The following SLC37A1 variants were observed in gnomAD, a reference collection of about 807,000 sequenced individuals.
SLC37A1 encodes the protein solute carrier family 37 member 1.
Under a neutral mutation model 75.3 loss-of-function variants are expected in SLC37A1, and 49 were observed. The observed-to-expected ratio is 0.65, with a 90% confidence interval of 0.52 to 0.83. The LOEUF (loss-of-function observed/expected upper bound fraction) is 0.83. SLC37A1 is among the 40% of genes least tolerant of loss of function. SLC37A1 has a pLI of 0.00. For missense variants in SLC37A1, 566 were observed against 695.0 expected, an observed-to-expected ratio of 0.81 and a Z score of 2.09; for synonymous variants, 268 against 292.1, an observed-to-expected ratio of 0.92 and a Z score of 0.84.
chr21:42,530,652 A>ACCCCCCCCCCC, intron 3 of SLC37A1, among the ~76,000 whole-genome samples: 1 of 25,064 alleles, frequency 4.0e-5, no homozygotes, highest in Non-Finnish European at 8.6e-5. Flanking sequence ...ACACACACAC[A>ACCCCCCCCCCC]CACCCCCTCT....
chr21:42,558,515 T>C (rs1426842663), intron 10 of SLC37A1, among the ~76,000 whole-genome samples: 2 of 152,250 alleles, frequency 1.3e-5, no homozygotes, highest in East Asian at 3.8e-4. Flanking sequence ...TATTTAAACA[T>C]TCTTTGAGGT....
At chr21:42,531,566 G>T (rs566094957) in intron 3 of SLC37A1, among the ~76,000 whole-genome samples, 1 of 152,320 alleles carries the variant, frequency 6.6e-6, no homozygotes, top group Non-Finnish European at 1.5e-5. Flanking sequence ...TTTTATGAAA[G>T]CAGACGTTTC....
Position 42,580,474 on chromosome 21 carries a change from C to A in SLC37A1, c.*114C>A. ...AAGAGTGACCTCCCTTTGCCTTTTGCACACGCACCTGGAAAAGACACAGAA... is the reference window on the plus strand; with the variant it reads ...AAGAGTGACCTCCCTTTGCCTTTTGAACACGCACCTGGAAAAGACACAGAA... On this transcript the variant is annotated 3_prime_UTR_variant, in exon 20 of 20. Transcript: ENST00000352133. 2 of 1,179,532 alleles carry A rather than the reference C, an allele frequency of 1.7e-6. No individual in the cohort carries two copies. Among genetic ancestry groups the A allele is most frequent in the Non-Finnish European group, 2.4e-6 (2 of 838,760 alleles). The allele number at this position is 1,179,532 out of a possible 1,614,324, so 73.1% of individuals were successfully genotyped here.
chr21:42,568,204 C>G (rs1205932310), intron 16 of SLC37A1, among the ~76,000 whole-genome samples, 156 bp from the exon 17 acceptor site: 2 of 152,230 alleles, frequency 1.3e-5, no homozygotes. Context: ...GAAGTTTTAA[C>G]TCTCCAAGGC....
At chr21:42,513,229 G>A (rs905396894), upstream of SLC37A1, among the ~76,000 whole-genome samples, 1 of 152,170 alleles carries the variant, frequency 6.6e-6, no homozygotes, top group Non-Finnish European at 1.5e-5. Context: ...TGACGTGGGA[G>A]CCTGTGTGCC....
At chr21:42,577,185 G>A (rs1569049719) in intron 18 of SLC37A1, among the ~76,000 whole-genome samples, 2 of 147,556 alleles carry the variant, frequency 1.4e-5, no homozygotes, top group Admixed American at 1.4e-4. Context: ...CAGAAGGAAA[G>A]TCTGAGATGC....
At chr21:42,507,650 A>C (rs1267757802) in intron 2 of SLC37A1, among the ~76,000 whole-genome samples, 1 of 152,226 alleles carries the variant, frequency 6.6e-6, no homozygotes, top group African/African-American at 2.4e-5. Flanking sequence ...ACCAGCACGT[A>C]CTTCTTACGA....
intron 3 of SLC37A1, among the ~76,000 whole-genome samples, chr21:42,530,058 G>C (rs1235192962): frequency 6.6e-6 from 1 of 152,090 alleles, no homozygotes; most frequent in Non-Finnish European, 1.5e-5. Flanking sequence ...AAAAAACAAT[G>C]CTGGATATCA....
chr21:42,564,376 G>C (rs1007683982), intron 13 of SLC37A1, among the ~76,000 whole-genome samples: 1 of 152,088 alleles, frequency 6.6e-6, no homozygotes, highest in Non-Finnish European at 1.5e-5. Context: ...GTGACAGAGT[G>C]AGACCCCATC....
chr21:42,574,739 C>A (rs2056268607), intron 17 of SLC37A1, 79 bp from the exon 18 acceptor site: 5 of 1,376,272 alleles, frequency 3.6e-6, no homozygotes, highest in Non-Finnish European at 5.1e-6. Context: ...AGGTGTTGAG[C>A]CCCATTCTCT....
At chr21:42,535,603 C>G in intron 5 of SLC37A1, 53 bp downstream of exon 5, 4 of 1,484,604 alleles carry the variant, frequency 2.7e-6, no homozygotes, top group Non-Finnish European at 3.8e-6. Context: ...CCCCTCCGTG[C>G]AGAGAAGACA....
intron 3 of SLC37A1, among the ~76,000 whole-genome samples, chr21:42,530,650 A>ACCCCCCC (rs1460499515): frequency 2.3e-4 from 6 of 25,596 alleles, no homozygotes; most frequent in Non-Finnish European, 4.2e-4. Flanking sequence ...ACACACACAC[A>ACCCCCCC]CACACCCCCT....
chr21:42,539,864 G>A (rs1027009847), intron 6 of SLC37A1, among the ~76,000 whole-genome samples: 10 of 152,304 alleles, frequency 6.6e-5, no homozygotes, highest in East Asian at 1.9e-4. Context: ...GAGTTGCCTC[G>A]TAAAAAATGC....
intron 3 of SLC37A1, among the ~76,000 whole-genome samples, chr21:42,529,359 C>T (rs2054881254): frequency 6.6e-6 from 1 of 152,054 alleles, no homozygotes; most frequent in Admixed American, 6.5e-5. Flanking sequence ...TACCTGAGGT[C>T]AGCAGTTCGA....
chr21:42,524,142 A>G (rs2054721113), intron 2 of SLC37A1, among the ~76,000 whole-genome samples: 1 of 152,058 alleles, frequency 6.6e-6, no homozygotes, highest in Admixed American at 6.6e-5. Flanking sequence ...TTATTGATTC[A>G]GGTTGTTGGT....
intron 2 of SLC37A1, among the ~76,000 whole-genome samples, chr21:42,524,242 C>T (rs1005782092): frequency 4.6e-5 from 7 of 152,218 alleles, no homozygotes; most frequent in Non-Finnish European, 8.8e-5. Context: ...AGCTGCCCCT[C>T]GCCTTCCACT....
chr21:42,580,613 G>A lies in SLC37A1; in HGVS notation c.*253G>A, dbSNP rs1325610710. ...AAGCCAGAGAACCGAAGACCCGGCC[G>A]GCCCTGGCCTCACAGGCGTGTGCCC... On this transcript the variant is annotated 3_prime_UTR_variant, in exon 20 of 20. Coordinates refer to ENST00000352133, the MANE Select transcript of SLC37A1 (RefSeq NM_001320537.2). 5 of 536,712 alleles carry A rather than the reference G, an allele frequency of 9.3e-6. No homozygotes were observed. Among genetic ancestry groups the A allele is most frequent in the East Asian group, 3.3e-5 (1 of 30,058 alleles). The allele number at this position is 536,712 out of a possible 1,614,324, so 33.2% of individuals were successfully genotyped here.
At chr21:42,539,122 T>C (rs977720912) in intron 5 of SLC37A1, among the ~76,000 whole-genome samples, 1 of 152,186 alleles carries the variant, frequency 6.6e-6, no homozygotes, top group African/African-American at 2.4e-5. Flanking sequence ...CTCATGACAT[T>C]TGGTGTAGTT....
chr21:42,516,643 T>C (rs1001195551), intron 1 of SLC37A1, among the ~76,000 whole-genome samples: 2 of 152,252 alleles, frequency 1.3e-5, no homozygotes, highest in Non-Finnish European at 2.9e-5. Flanking sequence ...GAATCCATCA[T>C]TGTTTTAAAA....
Sources: allele counts gnomAD v4.1 joint callset (sites outside exome capture counted in the v4.1 genomes callset), GRCh38; gene constraint gnomAD v4.1.1; transcripts MANE v1.5; gene names NCBI Gene and HGNC (gene_info 2026-07-23, HGNC 2026-07-21).